The following PDGFC variants were observed in gnomAD, a reference collection of about 807,000 sequenced individuals.
PDGFC encodes the protein platelet derived growth factor C, also known as platelet-derived growth factor C.
Under a neutral mutation model 35.5 loss-of-function variants are expected in PDGFC, and 12 were observed. That is an observed-to-expected ratio of 0.34 (90% CI 0.22 to 0.55). The LOEUF (loss-of-function observed/expected upper bound fraction) is 0.55, where lower values mean the gene tolerates loss of function less well. PDGFC is among the 20% of genes least tolerant of loss of function. The pLI is 0.91. For synonymous variants in PDGFC, 159 were observed against 148.8 expected, an observed-to-expected ratio of 1.07 and a Z score of -0.50; for missense variants, 322 against 412.4, an observed-to-expected ratio of 0.78 and a Z score of 1.90.
At chr4:156,835,293 C>T (rs906477911) in intron 2 of PDGFC, among the ~76,000 whole-genome samples, 13 of 152,038 alleles carry the variant, frequency 8.6e-5, no homozygotes, top group South Asian at 2.1e-4. Context: ...AAATAATAGA[C>T]GCTGCGGAGA....
intron 2 of PDGFC, among the ~76,000 whole-genome samples, chr4:156,840,735 C>A (rs190110600): frequency 6.6e-6 from 1 of 152,282 alleles, no homozygotes; most frequent in East Asian, 1.9e-4. Flanking sequence ...CCCTGCAAAG[C>A]CACAGGGGCA....
chr4:156,808,738 C>T (rs1262544453), intron 3 of PDGFC, among the ~76,000 whole-genome samples: 2 of 151,998 alleles, frequency 1.3e-5, no homozygotes, highest in Non-Finnish European at 2.9e-5. Flanking sequence ...AGCATAACCA[C>T]TTGTCAAATT....
intron 1 of PDGFC, among the ~76,000 whole-genome samples, chr4:156,862,291 A>T (rs994353903): frequency 1.3e-5 from 2 of 152,202 alleles, no homozygotes; most frequent in Non-Finnish European, 2.9e-5. Flanking sequence ...ATAGGGAAGA[A>T]CATTAACATC....
chr4:156,958,559 G>A (rs541917091), intron 1 of PDGFC, among the ~76,000 whole-genome samples: 23 of 152,060 alleles, frequency 1.5e-4, no homozygotes, highest in African/African-American at 3.9e-4. Flanking sequence ...GGCCAAATGA[G>A]CCAACCATGT....
At chr4:156,912,801 T>G (rs1269195324) in intron 1 of PDGFC, among the ~76,000 whole-genome samples, 1 of 151,888 alleles carries the variant, frequency 6.6e-6, no homozygotes, top group Non-Finnish European at 1.5e-5. Flanking sequence ...ATTCTGGATG[T>G]CCTTCACGGT....
chr4:156,963,503 A>G (rs967819823), intron 1 of PDGFC, among the ~76,000 whole-genome samples: 2 of 151,912 alleles, frequency 1.3e-5, no homozygotes, highest in African/African-American at 4.8e-5. Flanking sequence ...TACAAAAGGG[A>G]AAAAGCTAAG....
rs1483657898 is a variant in PDGFC at position 156,761,897 on chromosome 4, G to A, written c.*1193C>T. The A allele has an allele frequency of 6.6e-6, 1 of 152,566 alleles. No individual in the cohort carries two copies. The highest frequency in any genetic ancestry group is 2.4e-5 in the African/African-American group (1 of 41,422). 9.5% of individuals were successfully genotyped at this position (152,566 alleles called of 1,614,324 possible). A position where few individuals can be genotyped will look rare whatever the true frequency, so the allele number is the denominator to read the frequency against. ...GTGTTCCTACTGCACAGCACAGCAC[G>A]CTTTATCAGGAAGCTGCCAAGTCTT... On this transcript the variant is annotated 3_prime_UTR_variant, in exon 6 of 6. Coordinates refer to ENST00000502773, the MANE Select transcript of PDGFC (RefSeq NM_016205.3).
chr4:156,960,269 TATATAA>T (rs1732312199), intron 1 of PDGFC, among the ~76,000 whole-genome samples: 1 of 147,762 alleles, frequency 6.8e-6, no homozygotes, highest in Non-Finnish European at 1.5e-5. Flanking sequence ...TATATATATA[TATATAA>T]AACTATAAAT....
chr4:156,810,618 A>T (rs1164891731), intron 3 of PDGFC, among the ~76,000 whole-genome samples: 2 of 152,034 alleles, frequency 1.3e-5, no homozygotes, highest in Admixed American at 1.3e-4. Context: ...AACAATACAC[A>T]TGAATATGAT....
chr4:156,964,994 T>C (rs1280612610), intron 1 of PDGFC, among the ~76,000 whole-genome samples: 1 of 152,182 alleles, frequency 6.6e-6, no homozygotes, highest in Non-Finnish European at 1.5e-5. Flanking sequence ...TCAGAAAATG[T>C]AAGGCTATGC....
In PDGFC at chr4:156,827,618, G is replaced by GT. The variant is rs932727092; in HGVS notation, c.315-16602dup. 8.3e-4 allele frequency among the ~76,000 whole-genome samples: 123 copies of GT among 149,036 alleles called. 1 individual carries two copies. The highest frequency in any genetic ancestry group is 2.2e-3 in the East Asian group (11 of 5,080). ...CTGTGGACCATTTTTTTAAATCTTA[G>GT]TTTTTTTTTTCTTGTTTAAGAACAA... On this transcript the variant is annotated intron_variant, in intron 2 of 5. Transcript: ENST00000502773.
At chr4:156,956,497 T>G (rs2110957070) in intron 1 of PDGFC, among the ~76,000 whole-genome samples, 1 of 152,154 alleles carries the variant, frequency 6.6e-6, no homozygotes, top group African/African-American at 2.4e-5. Flanking sequence ...ACCAGAACTC[T>G]ATTATAAGAA....
chr4:156,773,214 C>T (rs765797103), intron 3 of PDGFC, among the ~76,000 whole-genome samples: 74 of 152,078 alleles, frequency 4.9e-4, no homozygotes, highest in Non-Finnish European at 9.1e-4. Context: ...TACAGTTTAC[C>T]AAATTTTCCT....
At chr4:156,788,289 A>G (rs755560167) in intron 3 of PDGFC, among the ~76,000 whole-genome samples, 1 of 152,202 alleles carries the variant, frequency 6.6e-6, no homozygotes, top group Non-Finnish European at 1.5e-5. Context: ...CTAGGTGTCC[A>G]CAGAGAATCT....
chr4:156,812,064 T>C (rs1208220318), intron 2 of PDGFC, among the ~76,000 whole-genome samples: 2 of 152,074 alleles, frequency 1.3e-5, no homozygotes, highest in Admixed American at 1.3e-4. Context: ...TGCACTGTTT[T>C]AGTTAAGATA....
At position 156,888,617 on chromosome 4, in the gene PDGFC, C is replaced by T. The variant is rs192286887; in HGVS notation, c.119-38201G>A. On this transcript the variant is annotated intron_variant, in intron 1 of 5. Coordinates refer to ENST00000502773, the MANE Select transcript of PDGFC (RefSeq NM_016205.3). Reference sequence around the variant, plus strand: ...TGTTACTGGTTTCTTTTACCTGTTGCTTTGATTTCCTCTCAAAACACTCAA... The same window carrying T: ...TGTTACTGGTTTCTTTTACCTGTTGTTTTGATTTCCTCTCAAAACACTCAA... 2.3e-3 allele frequency among the ~76,000 whole-genome samples: 350 copies of T among 152,254 alleles called. 1 individual carries two copies. The highest frequency in any genetic ancestry group is 4.1e-3 in the Non-Finnish European group (281 of 68,010).
At chr4:156,856,009 A>G (rs1172713784) in intron 1 of PDGFC, among the ~76,000 whole-genome samples, 1 of 152,080 alleles carries the variant, frequency 6.6e-6, no homozygotes, top group Non-Finnish European at 1.5e-5. Context: ...ATATAGAATT[A>G]CTCCATTTAC....
At chr4:156,939,316 C>T (rs184741929) in intron 1 of PDGFC, among the ~76,000 whole-genome samples, 87 of 152,060 alleles carry the variant, frequency 5.7e-4, no homozygotes, top group African/African-American at 2.0e-3. Context: ...ATACTGACAT[C>T]ATGAACAATG....
rs2111000782 is a variant in PDGFC, at chr4:156,971,385, C to G, written c.-482G>C. On this transcript the variant is annotated 5_prime_UTR_variant, in exon 1 of 6. Transcript: ENST00000502773. Reference sequence around the variant, plus strand: ...ATAACAAAGCTGCCAATAGATGCGGCTCTCCGGGCGCCCCTCTCCCCCGCC... The same window carrying G: ...ATAACAAAGCTGCCAATAGATGCGGGTCTCCGGGCGCCCCTCTCCCCCGCC... 2.5e-6 allele frequency: 1 copy of G among 396,666 alleles called. No individual in the cohort carries two copies. The highest frequency in any genetic ancestry group is 3.6e-5 in the East Asian group (1 of 27,874). The allele number at this position is 396,666 out of a possible 1,614,324, so 24.6% of individuals were successfully genotyped here.
Sources: allele counts gnomAD v4.1 joint callset (sites outside exome capture counted in the v4.1 genomes callset), GRCh38; gene constraint gnomAD v4.1.1; transcripts MANE v1.5; gene names NCBI Gene and HGNC (gene_info 2026-07-23, HGNC 2026-07-21).